Variants in RTN4RL1 observed in about 807,000 individuals in gnomAD.
The protein encoded by RTN4RL1 is reticulon-4 receptor-like 1.
In RTN4RL1, 7 loss-of-function variants were observed where a neutral mutation model predicts 25.6. That is an observed-to-expected ratio of 0.27 (90% CI 0.16 to 0.51). RTN4RL1 has a LOEUF of 0.51. Among genes scored for constraint, RTN4RL1 ranks in the 20% least tolerant of loss-of-function variants. The pLI is 0.97. For missense variants in RTN4RL1, 500 were observed against 615.6 expected (o/e 0.81, Z 1.99); for synonymous variants, 297 against 288.2 (o/e 1.03, Z -0.31).
rs1011317107 is a variant in RTN4RL1 at position 1,965,520 on chromosome 17, C to T, written c.14-27712G>A. 5.3e-5 allele frequency among the ~76,000 whole-genome samples: 8 copies of T among 152,312 alleles called. No individual in the cohort carries two copies. In the East Asian group the frequency reaches 1.5e-3, roughly 29 times the overall value. ...TCTGGGTGGGTCCATCTCCCTGGCC[C>T]CATGGACTTACTGTCCTTTGGGGTG... is the stretch of plus-strand genomic sequence containing the variant. On this transcript the variant is annotated intron_variant, in intron 1 of 1. Transcript: ENST00000331238.
Position 1,935,610 on chromosome 17 carries a change from A to G in RTN4RL1, c.*886T>C. ...CACTTTGTTTTTGCTAGAAATCACCAATACAATCCTTAGTTCAGCAAATAC... is the reference window on the plus strand; with the variant it reads ...CACTTTGTTTTTGCTAGAAATCACCGATACAATCCTTAGTTCAGCAAATAC... On this transcript the variant is annotated 3_prime_UTR_variant, in exon 2 of 2. Coordinates refer to ENST00000331238, the MANE Select transcript of RTN4RL1 (RefSeq NM_178568.4). 1 of 983,010 alleles carries G rather than the reference A, an allele frequency of 1.0e-6. No individual in the cohort carries two copies. The highest frequency in any genetic ancestry group is 1.2e-6 in the Non-Finnish European group (1 of 828,092). 60.9% of individuals were successfully genotyped at this position (983,010 alleles called of 1,614,324 possible).
chr17:1,982,709 C>G (rs971559638), intron 1 of RTN4RL1, among the ~76,000 whole-genome samples: 1 of 152,254 alleles, frequency 6.6e-6, no homozygotes, highest in African/African-American at 2.4e-5. Context: ...AGGAAGCCCT[C>G]CCCTCCTGCA....
intron 1 of RTN4RL1, among the ~76,000 whole-genome samples, chr17:2,003,993 C>T (rs2066976164): frequency 6.6e-6 from 1 of 152,032 alleles, no homozygotes; most frequent in Admixed American, 6.6e-5. Context: ...ATCACTTGAA[C>T]CCTGGAGGCG....
chr17:2,015,125 G>C, intron 1 of RTN4RL1, among the ~76,000 whole-genome samples: 1 of 152,174 alleles, frequency 6.6e-6, no homozygotes, highest in East Asian at 1.9e-4. Context: ...CCTGGGCTCA[G>C]GTGGAGGCAC....
intron 1 of RTN4RL1, among the ~76,000 whole-genome samples, chr17:1,996,989 C>T (rs891961224): frequency 6.6e-6 from 1 of 152,192 alleles, no homozygotes; most frequent in African/African-American, 2.4e-5. Flanking sequence ...GGACCAGCCA[C>T]CCTTGTGTAC....
intron 1 of RTN4RL1, among the ~76,000 whole-genome samples, chr17:1,939,223 C>G (rs190498261): frequency 0.011 from 1,583 of 149,780 alleles, 19 homozygotes; most frequent in East Asian, 0.06. Flanking sequence ...CGTGGTGGCG[C>G]GCACTTGTAG....
At chr17:1,959,310 GT>G (rs1915851256) in intron 1 of RTN4RL1, among the ~76,000 whole-genome samples, 1 of 152,206 alleles carries the variant, frequency 6.6e-6, no homozygotes, top group Admixed American at 6.5e-5. Flanking sequence ...ATCTAATAGT[GT>G]CTTCTTCATC....
intron 1 of RTN4RL1, among the ~76,000 whole-genome samples, chr17:1,960,994 T>G (rs772097972): frequency 2.0e-5 from 3 of 152,184 alleles, no homozygotes; most frequent in Non-Finnish European, 4.4e-5. Flanking sequence ...TTTATTTCCC[T>G]TTCAGCACCT....
At chr17:2,024,684 C>A (rs544738131) in intron 1 of RTN4RL1, among the ~76,000 whole-genome samples, 169 bp downstream of exon 1, 1 of 152,208 alleles carries the variant, frequency 6.6e-6, no homozygotes, top group Non-Finnish European at 1.5e-5. Context: ...TGGCCGCTGA[C>A]GGGAGCTGAG....
chr17:1,952,173 C>T (rs952071461), intron 1 of RTN4RL1, among the ~76,000 whole-genome samples: 1 of 152,114 alleles, frequency 6.6e-6, no homozygotes, highest in African/African-American at 2.4e-5. Flanking sequence ...CAAAGTAAGT[C>T]ACGGGGTCCA....
intron 1 of RTN4RL1, among the ~76,000 whole-genome samples, chr17:1,975,058 G>GGTGT (rs2066836989): frequency 6.6e-6 from 1 of 152,196 alleles, no homozygotes; most frequent in East Asian, 1.9e-4. Flanking sequence ...GTTGGCACCT[G>GGTGT]CGGCACCCCC....
intron 1 of RTN4RL1, among the ~76,000 whole-genome samples, chr17:2,011,958 A>G (rs553664068): frequency 3.9e-5 from 6 of 152,208 alleles, no homozygotes; most frequent in Non-Finnish European, 8.8e-5. Context: ...AGGCCTGAGC[A>G]ACGCCCCTGG....
chr17:1,988,413 A>AG (rs1479491772), intron 1 of RTN4RL1, among the ~76,000 whole-genome samples: 1 of 149,632 alleles, frequency 6.7e-6, no homozygotes, highest in Non-Finnish European at 1.5e-5. Flanking sequence ...CAAAAAAAAA[A>AG]AAAAAAAAGA....
intron 1 of RTN4RL1, among the ~76,000 whole-genome samples, chr17:1,964,788 C>CTT (rs34138766): frequency 0.16 from 20,101 of 124,198 alleles, 1,972 homozygotes; most frequent in Non-Finnish European, 0.21. Context: ...CTTTTCTTTT[C>CTT]TTTTTTTTTT....
chr17:1,966,320 C>T (rs2066791182), intron 1 of RTN4RL1, among the ~76,000 whole-genome samples: 7 of 152,070 alleles, frequency 4.6e-5, no homozygotes, highest in Admixed American at 3.9e-4. Context: ...GGCCCTGGGG[C>T]GAGGCCCCCT....
intron 1 of RTN4RL1, among the ~76,000 whole-genome samples, chr17:2,005,865 C>T (rs529467977): frequency 1.1e-4 from 16 of 149,696 alleles, no homozygotes; most frequent in African/African-American, 3.7e-4. Context: ...GGCGCAATCT[C>T]GGTTCACTGC....
At chr17:1,947,139 ATG>A (rs1467710210) in intron 1 of RTN4RL1, among the ~76,000 whole-genome samples, 7 of 127,766 alleles carry the variant, frequency 5.5e-5, no homozygotes, top group Non-Finnish European at 9.8e-5. Context: ...TCTATGTTGA[ATG>A]TGTGTCTGTG....
chr17:1,984,747 A>G (rs141596634), intron 1 of RTN4RL1, among the ~76,000 whole-genome samples: 1,670 of 152,332 alleles, frequency 0.011, 30 homozygotes, highest in African/African-American at 0.038. Flanking sequence ...CCAGTGGATC[A>G]TCTGAGGTCA....
At chr17:1,966,880 C>G (rs2066793645) in intron 1 of RTN4RL1, among the ~76,000 whole-genome samples, 1 of 152,196 alleles carries the variant, frequency 6.6e-6, no homozygotes, top group African/African-American at 2.4e-5. Flanking sequence ...TCACTGCCTT[C>G]AGGGGCCCTT....
Sources: allele counts gnomAD v4.1 joint callset (sites outside exome capture counted in the v4.1 genomes callset), GRCh38; gene constraint gnomAD v4.1.1; transcripts MANE v1.5; gene names NCBI Gene and HGNC (gene_info 2026-07-23, HGNC 2026-07-21).